The following PCCA variants were observed in gnomAD, a reference collection of about 807,000 sequenced individuals.
PCCA encodes the protein propionyl-CoA carboxylase subunit alpha.
PCCA carries 74 observed loss-of-function variants against 101.3 expected under a neutral mutation model. The observed-to-expected ratio is 0.73, with a 90% CI of 0.61 to 0.89. The LOEUF (loss-of-function observed/expected upper bound fraction) is 0.89. Among genes scored for constraint, PCCA ranks in the 40% least tolerant of loss-of-function variants. The pLI is 0.00. For missense variants in PCCA, 891 were observed against 907.0 expected, an observed-to-expected ratio of 0.98 and a Z score of 0.23; for synonymous variants, 294 against 313.6, an observed-to-expected ratio of 0.94 and a Z score of 0.66.
chr13:100,391,270 C>T (rs1257263275), intron 19 of PCCA, among the ~76,000 whole-genome samples: 6 of 152,152 alleles, frequency 3.9e-5, no homozygotes, highest in Admixed American at 3.9e-4. Flanking sequence ...CCACACCCAG[C>T]CTCTGTTCCA....
At chr13:100,501,129 C>A (rs2085636314) in intron 21 of PCCA, among the ~76,000 whole-genome samples, 1 of 151,986 alleles carries the variant, frequency 6.6e-6, no homozygotes, top group South Asian at 2.1e-4. Context: ...CCAACCTGAG[C>A]AACAGAGTGA....
At chr13:100,157,374 CT>C in intron 6 of PCCA, 34 bp downstream of exon 6, 1 of 1,482,650 alleles carries the variant, frequency 6.7e-7, no homozygotes, top group Non-Finnish European at 9.4e-7. Context: ...CTGTTCATTT[CT>C]TTTTCAGAAA....
rs548311884 is a variant in PCCA, at chr13:100,352,692, C to A, written c.1643+12433C>A. On this transcript the variant is annotated intron_variant, in intron 18 of 23. Transcript: ENST00000376285. ...TATAGGCATGAGTCAACACACCCAGCCTTTTTTTGTATTTTTTTTTTCTTC... is the reference window on the plus strand; with the variant it reads ...TATAGGCATGAGTCAACACACCCAGACTTTTTTTGTATTTTTTTTTTCTTC... Among the ~76,000 whole-genome samples the A allele has an allele frequency of 3.3e-5, 5 of 151,742 alleles. No homozygotes were observed. The East Asian group carries it at 9.7e-4, about 30-fold the overall frequency.
At chr13:100,261,394 G>A (rs1344871203) in intron 9 of PCCA, among the ~76,000 whole-genome samples, 29 of 150,344 alleles carry the variant, frequency 1.9e-4, no homozygotes, top group African/African-American at 7.1e-4. Flanking sequence ...TTGAGATGGA[G>A]TCTCACTGTC....
intron 19 of PCCA, among the ~76,000 whole-genome samples, chr13:100,387,314 T>C (rs1305284439): frequency 1.3e-5 from 2 of 152,170 alleles, no homozygotes; most frequent in African/African-American, 4.8e-5. Context: ...CTTCTGTAGG[T>C]GTATGAACTA....
intron 8 of PCCA, among the ~76,000 whole-genome samples, chr13:100,245,813 C>T (rs2061396199): frequency 6.6e-6 from 1 of 152,196 alleles, no homozygotes; most frequent in African/African-American, 2.4e-5. Context: ...GCCTACATCA[C>T]TGTAACAGCT....
At chr13:100,458,283 G>T in intron 21 of PCCA, among the ~76,000 whole-genome samples, 1 of 139,630 alleles carries the variant, frequency 7.2e-6, no homozygotes, top group Admixed American at 7.6e-5. Flanking sequence ...GCAACAGTGG[G>T]ACCCCATCTC....
intron 19 of PCCA, among the ~76,000 whole-genome samples, chr13:100,372,902 G>T (rs1446522195): frequency 6.6e-6 from 1 of 152,046 alleles, no homozygotes; most frequent in Non-Finnish European, 1.5e-5. Context: ...ACCACACTTG[G>T]CTAATTTTTT....
intron 1 of PCCA, among the ~76,000 whole-genome samples, chr13:100,091,831 G>A (rs2046307205): frequency 6.6e-6 from 1 of 152,110 alleles, no homozygotes; most frequent in South Asian, 2.1e-4. Context: ...TTTTTCTTCT[G>A]CGTAAATGTT....
At chr13:100,150,594 C>T (rs2053192257) in intron 4 of PCCA, 3 of 1,202,702 alleles carry the variant, frequency 2.5e-6, no homozygotes, top group African/African-American at 3.0e-5. Flanking sequence ...GCTCTTTTGG[C>T]CTGCAGATGT....
chr13:100,285,063 C>T (rs2064488775), intron 12 of PCCA, among the ~76,000 whole-genome samples: 1 of 152,206 alleles, frequency 6.6e-6, no homozygotes, highest in African/African-American at 2.4e-5. Context: ...AATATCTAGG[C>T]CTAATCTTAG....
chr13:100,462,579 A>C (rs1275116758), intron 21 of PCCA, among the ~76,000 whole-genome samples: 2 of 152,238 alleles, frequency 1.3e-5, no homozygotes, highest in Admixed American at 1.3e-4. Flanking sequence ...GATAAACAGT[A>C]CAGTCCATAG....
intron 21 of PCCA, among the ~76,000 whole-genome samples, chr13:100,468,320 G>C (rs1200101788): frequency 1.3e-5 from 2 of 152,184 alleles, no homozygotes; most frequent in African/African-American, 4.8e-5. Flanking sequence ...CTAAAAGTCA[G>C]CAGTTGCATT....
At chr13:100,119,405 G>A (rs2049142067) in intron 4 of PCCA, among the ~76,000 whole-genome samples, 1 of 152,002 alleles carries the variant, frequency 6.6e-6, no homozygotes, top group Non-Finnish European at 1.5e-5. Context: ...TATGGATTTG[G>A]CCAGGTAGGA....
chr13:100,387,317 A>G (rs2076566656), intron 19 of PCCA, among the ~76,000 whole-genome samples: 1 of 152,218 alleles, frequency 6.6e-6, no homozygotes, highest in Non-Finnish European at 1.5e-5. Flanking sequence ...CTGTAGGTGT[A>G]TGAACTACCC....
rs1330530931 is a variant in PCCA, at chr13:100,500,004, A to G, written c.1900-15423A>G. 5.9e-5 allele frequency among the ~76,000 whole-genome samples: 9 copies of G among 152,310 alleles called. No homozygotes were observed. The East Asian group carries it at 1.7e-3, about 29-fold the overall frequency. On this transcript the variant is annotated intron_variant, in intron 21 of 23. Coordinates refer to ENST00000376285, the MANE Select transcript of PCCA (RefSeq NM_000282.4). ...TTCTTTTTTTAAAGATGAGAGAGAT[A>G]GTATTTGGAATCTATCTTTAGACTA... is the stretch of plus-strand genomic sequence containing the variant.
At chr13:100,424,862 A>G (rs966580327) in intron 19 of PCCA, among the ~76,000 whole-genome samples, 3 of 152,244 alleles carry the variant, frequency 2.0e-5, no homozygotes, top group African/African-American at 7.2e-5. Context: ...TGTCTACCAT[A>G]TAATAATAAT....
At chr13:100,119,660 T>C (rs184610876) in intron 4 of PCCA, among the ~76,000 whole-genome samples, 3 of 152,150 alleles carry the variant, frequency 2.0e-5, no homozygotes, top group East Asian at 1.9e-4. Flanking sequence ...ATTTCGTAGG[T>C]TGATTCCTCC....
chr13:100,458,436 C>CAT lies in PCCA; in HGVS notation c.1899+9132_1899+9133insTA, dbSNP rs1233169972. Among the ~76,000 whole-genome samples, 50 of 66,412 alleles carry CAT rather than the reference C, an allele frequency of 7.5e-4. 1 individual carries two copies. The East Asian group carries it at 0.019, about 25-fold the overall frequency. 43.6% of individuals were successfully genotyped at this position (66,412 alleles called of 152,430 possible). ...CCATCTCTGCGCGCACACACACACA[C>CAT]ACATACACACACACACACACACACA... On this transcript the variant is annotated intron_variant, in intron 21 of 23. Transcript: ENST00000376285.
Sources: gnomAD v4.1 joint callset for allele counts (sites outside exome capture counted in the v4.1 genomes callset) on GRCh38, gnomAD v4.1.1 for gene constraint, MANE v1.5 for transcripts, NCBI Gene and HGNC (gene_info 2026-07-23, HGNC 2026-07-21) for gene names.